The following NCKAP5 variants were observed in gnomAD, a reference collection of about 807,000 sequenced individuals.
The protein encoded by NCKAP5 is NCK associated protein 5.
Under a neutral mutation model 167.0 loss-of-function variants are expected in NCKAP5, and 92 were observed. The observed-to-expected ratio is 0.55, with a 90% confidence interval of 0.47 to 0.66. The LOEUF is 0.66. Ranked by LOEUF, NCKAP5 falls within the 30% of genes least tolerant of loss-of-function variation. The pLI is 0.00. For synonymous variants in NCKAP5, 891 were observed against 877.4 expected, an observed-to-expected ratio of 1.02 and a Z score of -0.27; for missense variants, 2,378 against 2,315.0, an observed-to-expected ratio of 1.03 and a Z score of -0.56.
intron 11 of NCKAP5, among the ~76,000 whole-genome samples, chr2:132,802,233 C>T (rs1217357399): frequency 6.6e-6 from 1 of 152,186 alleles, no homozygotes; most frequent in African/African-American, 2.4e-5. Flanking sequence ...GGTTCTGCCA[C>T]ACTCTGTCAC....
chr2:133,564,880 A>G (rs1322059846), intron 1 of NCKAP5, among the ~76,000 whole-genome samples: 5 of 152,200 alleles, frequency 3.3e-5, no homozygotes, highest in African/African-American at 1.2e-4. Context: ...CCGTCTACTC[A>G]ACAAGTAATT....
chr2:133,533,131 G>A (rs1324602632), intron 2 of NCKAP5, among the ~76,000 whole-genome samples: 1 of 152,230 alleles, frequency 6.6e-6, no homozygotes, highest in Non-Finnish European at 1.5e-5. Context: ...GGCTAAGTCA[G>A]AGATTGCAAA....
intron 3 of NCKAP5, among the ~76,000 whole-genome samples, chr2:133,478,773 CAAATATGT>C (rs56132904): frequency 0.35 from 52,877 of 151,380 alleles, 9,496 homozygotes; most frequent in Non-Finnish European, 0.4. Context: ...GTCTTAAACC[CAAATATGT>C]AAGGATCAGG....
chr2:132,858,638 GAACTATT>G (rs1196198840), intron 11 of NCKAP5, among the ~76,000 whole-genome samples: 1 of 152,136 alleles, frequency 6.6e-6, no homozygotes, highest in Non-Finnish European at 1.5e-5. Context: ...ATTCTTCACA[GAACTATT>G]AACAGCCCAT....
intron 8 of NCKAP5, among the ~76,000 whole-genome samples, chr2:132,901,379 CT>C (rs931701160): frequency 6.6e-6 from 1 of 152,194 alleles, no homozygotes; most frequent in Non-Finnish European, 1.5e-5. Context: ...ATTCACACCA[CT>C]GTAATTAATC....
chr2:133,439,351 T>C (rs900442178), intron 3 of NCKAP5, among the ~76,000 whole-genome samples: 15 of 152,220 alleles, frequency 9.9e-5, no homozygotes, highest in Non-Finnish European at 4.4e-5. Context: ...CAATTAATGA[T>C]TGTACTTGGA....
chr2:133,360,041 C>T (rs1684994970), intron 3 of NCKAP5, among the ~76,000 whole-genome samples: 1 of 152,062 alleles, frequency 6.6e-6, no homozygotes, highest in South Asian at 2.1e-4. Flanking sequence ...GATTTTATAC[C>T]TCTCTTGTCT....
In NCKAP5 at chr2:132,782,137, A is replaced by G. The variant is rs1683085794; in HGVS notation, c.4674T>C (p.Pro1558=). 3.7e-6 allele frequency: 6 copies of G among 1,611,010 alleles called. No homozygotes were observed. Among genetic ancestry groups the G allele is most frequent in the Middle Eastern group, 3.3e-4 (2 of 6,050 alleles). ...CATTTTCTGTCTCACACTGTAGTTC[A>G]GGCTTCTTTTTCTCTTTTTTTCTTT... ...KSERKKEKKK[P]ELQCETENEL... is the part of the protein sequence containing the mutation. The change falls in exon 14 of 20, where the codon CCT becomes CCC. Residue 1558 remains proline, a synonymous_variant. Coordinates refer to ENST00000409261, the MANE Select transcript of NCKAP5 (RefSeq NM_207363.3).
chr2:133,086,187 T>C (rs1464775750), intron 6 of NCKAP5, among the ~76,000 whole-genome samples: 1 of 152,186 alleles, frequency 6.6e-6, no homozygotes, highest in Non-Finnish European at 1.5e-5. Context: ...CTCTACTGCA[T>C]ACCAGGTGCT....
At chr2:132,758,573 C>T (rs1184502608) in intron 16 of NCKAP5, among the ~76,000 whole-genome samples, 31 of 152,146 alleles carry the variant, frequency 2.0e-4, no homozygotes, top group Non-Finnish European at 2.4e-4. Context: ...CCCACAACCT[C>T]TGTTTTTAGC....
At chr2:132,967,853 T>A (rs1470185081) in intron 7 of NCKAP5, among the ~76,000 whole-genome samples, 1 of 152,162 alleles carries the variant, frequency 6.6e-6, no homozygotes, top group Non-Finnish European at 1.5e-5. Context: ...TAATATCATC[T>A]GATAGAGAGT....
At chr2:133,080,386 G>C (rs1306287905) in intron 6 of NCKAP5, among the ~76,000 whole-genome samples, 1 of 152,012 alleles carries the variant, frequency 6.6e-6, no homozygotes, top group Admixed American at 6.6e-5. Flanking sequence ...AAGGTTAAAT[G>C]GTATACTCGA....
chr2:133,124,877 G>A (rs1446548199), intron 6 of NCKAP5, among the ~76,000 whole-genome samples: 7 of 152,020 alleles, frequency 4.6e-5, no homozygotes, highest in Admixed American at 2.0e-4. Context: ...GTAAAACTCC[G>A]TCTACCACAA....
At position 132,673,070 on chromosome 2, in the gene NCKAP5, T is replaced by C. The variant is rs1683942727; in HGVS notation, c.*219A>G. On this transcript the variant is annotated 3_prime_UTR_variant, in exon 20 of 20. Coordinates refer to ENST00000409261, the MANE Select transcript of NCKAP5 (RefSeq NM_207363.3). The stretch of plus-strand genomic sequence containing the variant: ...ACTGGCACAGGAAGAGAAGCTATCA[T>C]ATAAAGAATCACTCAAAGATTCCAA... 8.6e-7 allele frequency: 1 copy of C among 1,159,798 alleles called. No individual in the cohort carries two copies. The highest frequency in any genetic ancestry group is 1.1e-6 in the Non-Finnish European group (1 of 943,760). 71.8% of individuals were successfully genotyped at this position (1,159,798 alleles called of 1,614,324 possible).
chr2:133,278,981 G>T (rs1177721037), intron 4 of NCKAP5, among the ~76,000 whole-genome samples: 1 of 152,194 alleles, frequency 6.6e-6, no homozygotes, highest in African/African-American at 2.4e-5. Flanking sequence ...TCATTCATCA[G>T]ATTGGGAGAC....
the NCKAP5 span, among the ~76,000 whole-genome samples, chr2:133,672,541 G>T: frequency 6.6e-6 from 1 of 152,164 alleles, no homozygotes. Context: ...ACCACAGATA[G>T]TTTGAGAAGC....
chr2:133,175,346 A>AT lies in NCKAP5; in HGVS notation c.207+38369dup, dbSNP rs572814852. Among the ~76,000 whole-genome samples the AT allele has an allele frequency of 2.6e-3, 391 of 152,048 alleles. 2 individuals are homozygous for AT. The highest frequency in any genetic ancestry group is 2.5e-3 in the Non-Finnish European group (168 of 67,966). The stretch of plus-strand genomic sequence containing the variant: ...TGACTTTATAGTATTTTTTCATGCA[A>AT]TTTTTTAGAGTTTTTATATAAAATC... On this transcript the variant is annotated intron_variant, in intron 5 of 19. Transcript: ENST00000409261.
intron 19 of NCKAP5, among the ~76,000 whole-genome samples, chr2:132,683,662 G>A (rs536519987): frequency 6.6e-6 from 1 of 152,154 alleles, no homozygotes; most frequent in East Asian, 1.9e-4. Context: ...CCTAATAGAT[G>A]GTATAGACAT....
At chr2:133,655,410 T>C in the NCKAP5 span, among the ~76,000 whole-genome samples, 3 of 152,224 alleles carry the variant, frequency 2.0e-5, no homozygotes, top group African/African-American at 7.2e-5. Context: ...AGGAGTGATA[T>C]AGGATGTCAA....
Sources: gnomAD v4.1 joint callset for allele counts (sites outside exome capture counted in the v4.1 genomes callset) on GRCh38, gnomAD v4.1.1 for gene constraint, MANE v1.5 for transcripts, NCBI Gene and HGNC (gene_info 2026-07-23, HGNC 2026-07-21) for gene names.